The following ZNF385D variants were observed in gnomAD, a reference collection of about 807,000 sequenced individuals.
The protein encoded by ZNF385D is zinc finger protein 385D.
A neutral mutation model predicts 35.8 loss-of-function variants in ZNF385D; 15 were observed. The ratio of observed to expected loss-of-function variants is 0.42; its 90% CI spans 0.28 to 0.64. ZNF385D has a LOEUF of 0.64. Ranked by LOEUF, ZNF385D falls within the 30% of genes least tolerant of loss-of-function variation. The pLI is 0.23. For missense variants in ZNF385D, 474 were observed against 494.6 expected, an observed-to-expected ratio of 0.96 and a Z score of 0.39; for synonymous variants, 212 against 186.8, an observed-to-expected ratio of 1.13 and a Z score of -1.10.
At chr3:21,758,681 G>A (rs4356840) in intron 3 of ZNF385D, among the ~76,000 whole-genome samples, 121,511 of 151,852 alleles carry the variant, frequency 0.8, 49,202 homozygotes, top group East Asian at 0.98. Context: ...TCCCCTTGCA[G>A]TAAGAAGCGT....
At chr3:22,349,964 T>G (rs1476634558) in intron 2 of ZNF385D, among the ~76,000 whole-genome samples, 1 of 152,178 alleles carries the variant, frequency 6.6e-6, no homozygotes, top group Non-Finnish European at 1.5e-5. Flanking sequence ...AATAATGCAA[T>G]GCATAAAATG....
In ZNF385D at chr3:22,101,337, C is replaced by A. The variant is rs548075958; in HGVS notation, c.325+67480G>T. On this transcript the variant is annotated intron_variant, in intron 3 of 5. Transcript: ENST00000494108. ...AGAGATAGAAGTAGGTATAGATACA[C>A]ATACATAACCTTCCATGAGCATATA... 2.4e-3 allele frequency among the ~76,000 whole-genome samples: 368 copies of A among 152,106 alleles called. 1 individual carries two copies. Among genetic ancestry groups the A allele is most frequent in the Non-Finnish European group, 3.9e-3 (268 of 67,962 alleles).
chr3:21,988,683 GT>G (rs1559824025), intron 3 of ZNF385D, among the ~76,000 whole-genome samples: 2 of 151,592 alleles, frequency 1.3e-5, no homozygotes, highest in Non-Finnish European at 2.9e-5. Flanking sequence ...TCCTTGAGCT[GT>G]GGTGGGCTCC....
intron 2 of ZNF385D, among the ~76,000 whole-genome samples, chr3:22,368,421 T>A (rs1041658803): frequency 6.6e-6 from 1 of 152,204 alleles, no homozygotes; most frequent in African/African-American, 2.4e-5. Flanking sequence ...TTCAACTTCC[T>A]CTAATTGCAA....
intron 3 of ZNF385D, among the ~76,000 whole-genome samples, chr3:21,917,215 T>C (rs1700232560): frequency 6.6e-6 from 1 of 152,162 alleles, no homozygotes; most frequent in East Asian, 1.9e-4. Flanking sequence ...ACGGATCACT[T>C]GAGGTCAGGA....
Position 21,441,836 on chromosome 3 carries a change from C to G in ZNF385D, c.440-4633G>C, listed in dbSNP as rs930917847. 11 of 560,002 alleles carry G rather than the reference C, an allele frequency of 2.0e-5. No homozygotes were observed. In the African/African-American group the frequency reaches 2.2e-4, roughly 11 times the overall value. 34.7% of individuals were successfully genotyped at this position (560,002 alleles called of 1,614,324 possible). A position where few individuals can be genotyped will look rare whatever the true frequency, so the allele number is the denominator to read the frequency against. On this transcript the variant is annotated intron_variant, in intron 4 of 7. Transcript: ENST00000281523. The stretch of plus-strand genomic sequence containing the variant: ...TCTTTGCACTACTCTACCAAAGACT[C>G]TGGGACAATATATGTGACAAGGAGT...
chr3:21,535,592 G>C (rs1258531902), intron 3 of ZNF385D, among the ~76,000 whole-genome samples: 2 of 152,036 alleles, frequency 1.3e-5, no homozygotes, highest in African/African-American at 2.4e-5. Flanking sequence ...AGAGGAAATT[G>C]CTCTCATGAG....
chr3:22,255,223 A>G (rs1358767511), intron 2 of ZNF385D, among the ~76,000 whole-genome samples: 1 of 151,824 alleles, frequency 6.6e-6, no homozygotes, highest in African/African-American at 2.4e-5. Flanking sequence ...TGTAATCACC[A>G]ATATCTTGAG....
intron 2 of ZNF385D, among the ~76,000 whole-genome samples, chr3:21,640,346 A>G (rs2065567219): frequency 6.6e-6 from 1 of 152,114 alleles, no homozygotes; most frequent in African/African-American, 2.4e-5. Flanking sequence ...CATGTTCTTA[A>G]GGTCTATCGC....
rs2065769505 is a variant in ZNF385D at position 21,646,961 on chromosome 3, G to T, written c.165+17925C>A. On this transcript the variant is annotated intron_variant, in intron 2 of 7. Coordinates refer to ENST00000281523, the MANE Select transcript of ZNF385D (RefSeq NM_024697.3). The surrounding 1 kb of genome is among the most constrained non-coding windows in gnomAD (Gnocchi z 4.3). ...TCTACTCCATCATTTATTCTAAGCT[G>T]CCAGTGATCTTTATAATTGGTAGCT... Among the ~76,000 whole-genome samples, 1 of 152,142 alleles carries T rather than the reference G, an allele frequency of 6.6e-6. No homozygotes were observed. Among genetic ancestry groups the T allele is most frequent in the Non-Finnish European group, 1.5e-5 (1 of 68,048 alleles).
At chr3:22,127,140 T>C (rs1703479878) in intron 3 of ZNF385D, among the ~76,000 whole-genome samples, 1 of 152,006 alleles carries the variant, frequency 6.6e-6, no homozygotes, top group Admixed American at 6.6e-5. Context: ...GTCACTGTTT[T>C]TGATCAAAGA....
chr3:22,079,302 T>C (rs1200628120), intron 3 of ZNF385D, among the ~76,000 whole-genome samples: 1 of 151,852 alleles, frequency 6.6e-6, no homozygotes, highest in Non-Finnish European at 1.5e-5. Context: ...TAAATAAGCC[T>C]TCAAAGTACA....
intron 3 of ZNF385D, among the ~76,000 whole-genome samples, chr3:22,135,886 A>C (rs113962745): frequency 6.6e-6 from 1 of 152,166 alleles, no homozygotes; most frequent in South Asian, 2.1e-4. Flanking sequence ...AAGAAAGGTT[A>C]ATCTTTTAAT....
chr3:22,157,474 C>A (rs1297628691), intron 3 of ZNF385D, among the ~76,000 whole-genome samples: 1 of 151,886 alleles, frequency 6.6e-6, no homozygotes, highest in Non-Finnish European at 1.5e-5. Flanking sequence ...AATAACACCC[C>A]CAGATGTAGC....
chr3:21,854,748 G>T (rs1226330699), intron 3 of ZNF385D, among the ~76,000 whole-genome samples: 3 of 151,736 alleles, frequency 2.0e-5, no homozygotes, highest in African/African-American at 7.3e-5. Context: ...ATAACTTTTG[G>T]CATTTAATAG....
At chr3:22,188,750 G>T (rs558497959) in intron 2 of ZNF385D, among the ~76,000 whole-genome samples, 2 of 152,056 alleles carry the variant, frequency 1.3e-5, no homozygotes, top group African/African-American at 4.8e-5. Flanking sequence ...GCGCCCAGCC[G>T]TGTGCATACT....
chr3:21,751,442 G>C (rs1040988496), upstream of ZNF385D: 6 of 989,822 alleles, frequency 6.1e-6, no homozygotes, highest in Admixed American at 1.8e-4. Flanking sequence ...CTGTGCAGGA[G>C]GGACGTGGTT....
chr3:22,099,155 G>A (rs1328620739), intron 3 of ZNF385D, among the ~76,000 whole-genome samples: 1 of 152,058 alleles, frequency 6.6e-6, no homozygotes, highest in African/African-American at 2.4e-5. Context: ...ATGTGACTAT[G>A]TCAGTTGACA....
At chr3:22,210,289 A>AT (rs1281954945) in intron 2 of ZNF385D, among the ~76,000 whole-genome samples, 2 of 151,822 alleles carry the variant, frequency 1.3e-5, no homozygotes, top group Admixed American at 6.6e-5. Context: ...CTCAACAGGG[A>AT]TTTTTTCTTC....
Sources: allele counts gnomAD v4.1 joint callset (sites outside exome capture counted in the v4.1 genomes callset), GRCh38; gene constraint gnomAD v4.1.1; non-coding constraint Gnocchi (gnomAD v3.1); transcripts MANE v1.5; gene names NCBI Gene and HGNC (gene_info 2026-07-23, HGNC 2026-07-21).